Variants in ACMSD observed in about 807,000 individuals in gnomAD.
The protein encoded by ACMSD is 2-amino-3-carboxymuconate-6-semialdehyde decarboxylase.
Under a neutral mutation model 45.9 loss-of-function variants are expected in ACMSD, and 37 were observed. That is an observed-to-expected ratio of 0.81 (90% CI 0.62 to 1.06). ACMSD has a LOEUF of 1.06. ACMSD is among the 50% of genes least tolerant of loss of function. ACMSD has a pLI of 0.00. For synonymous variants in ACMSD, 138 were observed against 148.8 expected, an observed-to-expected ratio of 0.93 and a Z score of 0.53; for missense variants, 434 against 420.9, an observed-to-expected ratio of 1.03 and a Z score of -0.27.
chr2:134,863,245 C>T, intron 4 of ACMSD, 150 bp from the exon 5 acceptor site: 1 of 967,786 alleles, frequency 1.0e-6, no homozygotes, highest in Non-Finnish European at 1.6e-6. Flanking sequence ...CTGTGGCCAG[C>T]ACCTTTCCCA....
chr2:134,895,329 T>TACATATATA (rs1690052842), intron 8 of ACMSD, among the ~76,000 whole-genome samples: 30 of 62,288 alleles, frequency 4.8e-4, no homozygotes, highest in African/African-American at 5.9e-4. Context: ...ATATATATGT[T>TACATATATA]ATATATATAA....
At chr2:134,853,066 G>T (rs984673987) in intron 2 of ACMSD, among the ~76,000 whole-genome samples, 3 of 151,574 alleles carry the variant, frequency 2.0e-5, no homozygotes, top group African/African-American at 7.3e-5. Flanking sequence ...AGGAGGCCGA[G>T]GTGGGAGAAT....
At chr2:134,879,641 G>T (rs1688929758) in intron 8 of ACMSD, among the ~76,000 whole-genome samples, 1 of 152,190 alleles carries the variant, frequency 6.6e-6, no homozygotes, top group African/African-American at 2.4e-5. Context: ...GGTTCAATAA[G>T]ATGACTGCAG....
intron 4 of ACMSD, chr2:134,863,157 T>A: frequency 1.4e-6 from 1 of 735,124 alleles, no homozygotes; most frequent in Non-Finnish European, 1.7e-6. Context: ...CCCTTCTGAT[T>A]CTGGCCTCAA....
chr2:134,886,097 G>A (rs1689423798), intron 8 of ACMSD, among the ~76,000 whole-genome samples: 1 of 152,188 alleles, frequency 6.6e-6, no homozygotes, highest in Admixed American at 6.5e-5. Flanking sequence ...ATTGACTGAA[G>A]TGGATGAGAC....
chr2:134,847,450 A>G (rs1305764556), intron 2 of ACMSD, among the ~76,000 whole-genome samples: 3 of 131,280 alleles, frequency 2.3e-5, no homozygotes, highest in Non-Finnish European at 3.3e-5. Context: ...ATAGATAGAT[A>G]TAGATAGAGA....
intron 8 of ACMSD, among the ~76,000 whole-genome samples, chr2:134,889,959 C>T (rs1689682501): frequency 1.3e-5 from 2 of 151,960 alleles, no homozygotes; most frequent in South Asian, 4.2e-4. Context: ...ATTTAATTTA[C>T]ATAAGTTAAT....
At chr2:134,900,603 T>C (rs1001915258) in intron 9 of ACMSD, among the ~76,000 whole-genome samples, 2 of 152,216 alleles carry the variant, frequency 1.3e-5, no homozygotes, top group African/African-American at 4.8e-5. Flanking sequence ...TCTTACTTTG[T>C]AAGAATGCAT....
intron 2 of ACMSD, among the ~76,000 whole-genome samples, chr2:134,845,639 C>G (rs1312492690): frequency 6.9e-6 from 1 of 145,914 alleles, no homozygotes; most frequent in East Asian, 2.1e-4. Context: ...CAGGTTATTA[C>G]AGTATATTAA....
intron 1 of ACMSD, among the ~76,000 whole-genome samples, chr2:134,840,167 CAAAAAAAAAA>C (rs1158518481): frequency 1.3e-4 from 3 of 23,434 alleles, no homozygotes; most frequent in African/African-American, 2.7e-4. Context: ...CTATACCTAG[CAAAAAAAAAA>C]AAAAAAAAAA....
intron 2 of ACMSD, among the ~76,000 whole-genome samples, chr2:134,855,734 G>A (rs1687550477): frequency 6.6e-6 from 1 of 152,202 alleles, no homozygotes; most frequent in South Asian, 2.1e-4. Flanking sequence ...ATAAAATGTG[G>A]ATCTGAAGTC....
At chr2:134,885,839 T>C (rs1689407773) in intron 8 of ACMSD, among the ~76,000 whole-genome samples, 1 of 152,120 alleles carries the variant, frequency 6.6e-6, no homozygotes, top group Non-Finnish European at 1.5e-5. Context: ...CTCATTACTC[T>C]ATTAGAAAAT....
intron 2 of ACMSD, among the ~76,000 whole-genome samples, chr2:134,853,902 A>G (rs749062713): frequency 3.9e-5 from 6 of 152,196 alleles, no homozygotes; most frequent in African/African-American, 4.8e-5. Flanking sequence ...AGCCCCTAAA[A>G]GATCAAACTC....
intron 2 of ACMSD, among the ~76,000 whole-genome samples, chr2:134,848,056 G>A (rs1198650388): frequency 6.6e-6 from 1 of 152,094 alleles, no homozygotes; most frequent in East Asian, 1.9e-4. Flanking sequence ...TCTCCATGTT[G>A]GTCAGGCAGG....
intron 2 of ACMSD, among the ~76,000 whole-genome samples, chr2:134,845,961 T>C (rs574267039): frequency 6.6e-6 from 1 of 152,228 alleles, no homozygotes; most frequent in East Asian, 1.9e-4. Context: ...GGAGGACTTG[T>C]GGTCTGGAAA....
rs1302215923 is a variant in ACMSD at position 134,879,172 on chromosome 2, A to G, written c.849+6531A>G. Among the ~76,000 whole-genome samples the G allele has an allele frequency of 2.6e-5, 4 of 152,320 alleles. No individual in the cohort carries two copies. The South Asian group carries it at 6.2e-4, about 24-fold the overall frequency. ...GAAATATTCAAACCCAACAATCCCCATAGTACCAGTCCATGGCTCAGGGGT... is the reference window on the plus strand; with the variant it reads ...GAAATATTCAAACCCAACAATCCCCGTAGTACCAGTCCATGGCTCAGGGGT... On this transcript the variant is annotated intron_variant, in intron 8 of 9. Transcript: ENST00000356140.
At chr2:134,861,423 C>T (rs913413222) in intron 3 of ACMSD, among the ~76,000 whole-genome samples, 1 of 152,170 alleles carries the variant, frequency 6.6e-6, no homozygotes, top group Non-Finnish European at 1.5e-5. Flanking sequence ...TGAGTATTTA[C>T]TTTGTGCCAG....
At chr2:134,869,883 CAAGT>C (rs957434724) in intron 6 of ACMSD, among the ~76,000 whole-genome samples, 102 of 152,252 alleles carry the variant, frequency 6.7e-4, no homozygotes, top group African/African-American at 2.2e-3. Flanking sequence ...GGTTATGGTT[CAAGT>C]AATTATGGGA....
At chr2:134,854,554 G>C (rs904632401) in intron 2 of ACMSD, among the ~76,000 whole-genome samples, 5 of 151,938 alleles carry the variant, frequency 3.3e-5, no homozygotes, top group African/African-American at 1.2e-4. Context: ...CAACACCCCT[G>C]TCTACAGGTG....
Sources: gnomAD v4.1 joint callset for allele counts (sites outside exome capture counted in the v4.1 genomes callset) on GRCh38, gnomAD v4.1.1 for gene constraint, MANE v1.5 for transcripts, NCBI Gene and HGNC (gene_info 2026-07-23, HGNC 2026-07-21) for gene names.